The following C5orf34 variants were observed in gnomAD, a reference collection of about 807,000 sequenced individuals.
C5orf34 encodes the protein uncharacterized protein C5orf34.
In C5orf34, 73 loss-of-function variants were observed where a neutral mutation model predicts 78.4. That is an observed-to-expected ratio of 0.93 (90% CI 0.77 to 1.13). The LOEUF is 1.13. Ranked by LOEUF, C5orf34 falls within the 50% of genes most tolerant of loss-of-function variation. C5orf34 has a pLI of 0.00. For missense variants in C5orf34, 730 were observed against 732.7 expected, an observed-to-expected ratio of 1.00 and a Z score of 0.04; for synonymous variants, 251 against 246.6, an observed-to-expected ratio of 1.02 and a Z score of -0.17.
intron 7 of C5orf34, 101 bp from the exon 8 acceptor site, chr5:43,493,713 T>TGATCA (rs1745381753): frequency 1.5e-6 from 1 of 649,490 alleles, no homozygotes; most frequent in Non-Finnish European, 2.7e-6. Flanking sequence ...GATCAGTAAA[T>TGATCA]CATTTTCACT....
intron 1 of C5orf34, among the ~76,000 whole-genome samples, chr5:43,510,464 C>A (rs1469340850): frequency 2.6e-5 from 4 of 152,154 alleles, no homozygotes; most frequent in African/African-American, 9.7e-5. Context: ...CTCTCCCTCT[C>A]TTTCTACGGT....
intron 3 of C5orf34, among the ~76,000 whole-genome samples, chr5:43,507,622 C>T (rs941106428): frequency 7.9e-5 from 12 of 152,036 alleles, no homozygotes; most frequent in African/African-American, 1.7e-4. Flanking sequence ...ATTACTCAGC[C>T]GGCAGGCAAG....
In C5orf34 at chr5:43,492,823, C is replaced by G. The variant is rs145766724; in HGVS notation, c.1382G>C (p.Gly461Ala). Reference sequence around the variant, plus strand: ...GTCATCAGAGTAGGCAAGAAATCTTCCCACACTGGGTATGAGTGACTCTTT... The same window carrying G: ...GTCATCAGAGTAGGCAAGAAATCTTGCCACACTGGGTATGAGTGACTCTTT... ...VLKESLIPSV[G>A]RFLAYSDDKV... is the part of the protein sequence containing the mutation. Residue 461 changes from glycine to alanine, a missense_variant, in exon 9 of 13, where the codon GGA becomes GCA. Transcript: ENST00000306862. 8 of 1,612,376 alleles carry G rather than the reference C, an allele frequency of 5.0e-6. No individual in the cohort carries two copies. The African/African-American group carries it at 8.0e-5, about 16-fold the overall frequency.
chr5:43,501,748 G>A (rs775816164), intron 6 of C5orf34, among the ~76,000 whole-genome samples: 2 of 152,150 alleles, frequency 1.3e-5, no homozygotes, highest in African/African-American at 2.4e-5. Flanking sequence ...ACTCTGTAAT[G>A]AAGAGAGAAA....
At chr5:43,498,475 A>G in intron 6 of C5orf34, among the ~76,000 whole-genome samples, 1 of 152,198 alleles carries the variant, frequency 6.6e-6, no homozygotes, top group East Asian at 1.9e-4. Flanking sequence ...GGTAGGCGCA[A>G]AAGAAAAAAA....
chr5:43,487,171 T>C lies in C5orf34; in HGVS notation c.1721-60A>G, dbSNP rs1313105258. On this transcript the variant is annotated intron_variant, in intron 12 of 12. Coordinates refer to ENST00000306862, the MANE Select transcript of C5orf34 (RefSeq NM_198566.4). ...TTTTCACTATATAAATATCTTTATATACAGAAAGCATAGGCTTCATATTAA... is the reference window on the plus strand; with the variant it reads ...TTTTCACTATATAAATATCTTTATACACAGAAAGCATAGGCTTCATATTAA... 4 of 786,412 alleles carry C rather than the reference T, an allele frequency of 5.1e-6. No homozygotes were observed. The Admixed American group carries it at 1.4e-4, about 28-fold the overall frequency. 48.7% of individuals were successfully genotyped at this position (786,412 alleles called of 1,614,324 possible). A position where few individuals can be genotyped will look rare whatever the true frequency, so the allele number is the denominator to read the frequency against.
intron 3 of C5orf34, among the ~76,000 whole-genome samples, chr5:43,507,058 T>A: frequency 6.6e-6 from 1 of 152,134 alleles, no homozygotes; most frequent in East Asian, 1.9e-4. Flanking sequence ...TAAGGTAACA[T>A]GTAAAAAGTA....
chr5:43,510,525 C>T (rs979231402), intron 1 of C5orf34, among the ~76,000 whole-genome samples: 1 of 152,228 alleles, frequency 6.6e-6, no homozygotes, highest in African/African-American at 2.4e-5. Context: ...CATCTCGGCT[C>T]ACTGCAACCT....
In C5orf34 at chr5:43,487,899, T is replaced by C. The variant is rs1329561595; in HGVS notation, c.1720+10A>G. On this transcript the variant is annotated intron_variant, in intron 12 of 12. Transcript: ENST00000306862. ...ATTATGTAGGACAGTGCATTCTGTT[T>C]AAAGGATACAGTTAAACTTCTGTAT... The C allele has an allele frequency of 6.3e-7, 1 of 1,596,794 alleles. No individual in the cohort carries two copies. The highest frequency in any genetic ancestry group is 1.7e-4 in the Middle Eastern group (1 of 5,954).
chr5:43,502,522 A>T (rs766856352), intron 5 of C5orf34, 27 bp from the exon 6 acceptor site: 49 of 1,437,538 alleles, frequency 3.4e-5, no homozygotes, highest in Admixed American at 2.9e-4. Context: ...ACCATTAAAA[A>T]TTTTTTTCCA....
intron 12 of C5orf34, 67 bp downstream of exon 12, chr5:43,487,842 G>T: frequency 8.3e-7 from 1 of 1,198,524 alleles, no homozygotes; most frequent in Non-Finnish European, 1.2e-6. Context: ...AAGTACTGAA[G>T]TCATGAATTA....
rs894856475 is a variant in C5orf34 at position 43,511,355 on chromosome 5, G to A, written c.-36-1980C>T. On this transcript the variant is annotated intron_variant, in intron 1 of 12. Transcript: ENST00000306862. ...GCCCCGTCCGGCAGCCGCCCCGTCC[G>A]GGAGGGAGGTGGGGGGCAGCCCCGA... is the stretch of plus-strand genomic sequence containing the variant. 363 of 156,534 alleles carry A rather than the reference G, an allele frequency of 2.3e-3. 1 individual carries two copies. Among genetic ancestry groups the A allele is most frequent in the Non-Finnish European group, 3.8e-3 (274 of 71,852 alleles). 9.7% of individuals were successfully genotyped at this position (156,534 alleles called of 1,614,324 possible).
chr5:43,502,903 A>G (rs1745823709), intron 5 of C5orf34, among the ~76,000 whole-genome samples: 1 of 152,234 alleles, frequency 6.6e-6, no homozygotes, highest in Non-Finnish European at 1.5e-5. Flanking sequence ...TATGGATAAG[A>G]TTAGCCGTCT....
rs776262633 is a variant in C5orf34 at position 43,505,860 on chromosome 5, G to T, written c.820C>A (p.His274Asn). Residue 274 changes from histidine to asparagine, a missense_variant, in exon 4 of 13, where the codon CAT becomes AAT. His to Asn is a moderately conservative substitution (Grantham distance 68). Transcript: ENST00000306862. ...GTTAAAAATCTACTCTGAGTTATAT[G>T]TGCATCAATTTTAGACATATTGCTG... ...KISNMSKIDA[H>N]ITQSRFLTSD... The T allele has an allele frequency of 3.1e-6, 5 of 1,613,810 alleles. No homozygotes were observed. The highest frequency in any genetic ancestry group is 4.2e-6 in the Non-Finnish European group (5 of 1,179,786).
Position 43,509,243 on chromosome 5 carries a change from C to G in C5orf34, c.97G>C (p.Glu33Gln), listed in dbSNP as rs1746117288. 5 of 1,614,124 alleles carry G rather than the reference C, an allele frequency of 3.1e-6. No individual in the cohort carries two copies. Among genetic ancestry groups the G allele is most frequent in the Non-Finnish European group, 4.2e-6 (5 of 1,179,988 alleles). Residue 33 changes from glutamate (E) to glutamine (Q), a missense_variant, in exon 2 of 13, where the codon GAA becomes CAA. By Grantham distance (29) the Glu-to-Gln change is conservative (BLOSUM62 2). Transcript: ENST00000306862. ...STLQLSPCGSEFLFEKSPPVS... is the reference protein window; with the variant it reads ...STLQLSPCGSQFLFEKSPPVS... ...GGTGGTGACTTTTCAAATAAAAATTCAGAGCCACAGGGAGAAAGTTGCAAT... is the reference window on the plus strand; with the variant it reads ...GGTGGTGACTTTTCAAATAAAAATTGAGAGCCACAGGGAGAAAGTTGCAAT...
At chr5:43,511,911 T>C (rs1404160508) in intron 1 of C5orf34, among the ~76,000 whole-genome samples, 2 of 152,060 alleles carry the variant, frequency 1.3e-5, no homozygotes, top group African/African-American at 4.8e-5. Context: ...CAGGGTCCTC[T>C]GCCTAGGAAA....
At position 43,506,345 on chromosome 5, in the gene C5orf34, T is replaced by C; in HGVS notation, c.335A>G (p.Asp112Gly). 1 of 1,613,616 alleles carries C rather than the reference T, an allele frequency of 6.2e-7. No individual in the cohort carries two copies. The highest frequency in any genetic ancestry group is 1.3e-5 in the African/African-American group (1 of 75,030). ...TEVRWPSLDT[D>G]GTMIYMESGI... Reference sequence around the variant, plus strand: ...ACTCTCCATATATATCATGGTACCATCTGTATCAAGACTGGGCCATCTCAC... The same window carrying C: ...ACTCTCCATATATATCATGGTACCACCTGTATCAAGACTGGGCCATCTCAC... Residue 112 changes from aspartate (D) to glycine (G), a missense_variant, in exon 4 of 13, where the codon GAT (aspartate) becomes GGT (glycine). Asp to Gly is a moderately conservative substitution (Grantham distance 94). Transcript: ENST00000306862.
chr5:43,495,495 G>A (rs544592302), intron 6 of C5orf34: 24 of 1,607,230 alleles, frequency 1.5e-5, no homozygotes, highest in Middle Eastern at 2.2e-4. Context: ...ACGTTGCCAC[G>A]ACGAACATCC....
chr5:43,513,049 T>G (rs1269511942), intron 1 of C5orf34, among the ~76,000 whole-genome samples: 1 of 152,140 alleles, frequency 6.6e-6, no homozygotes, highest in African/African-American at 2.4e-5. Flanking sequence ...CCCAAAGTGC[T>G]GGGATTACAG....
Sources: gnomAD v4.1 joint callset for allele counts (sites outside exome capture counted in the v4.1 genomes callset) on GRCh38, gnomAD v4.1.1 for gene constraint, MANE v1.5 for transcripts, NCBI Gene and HGNC (gene_info 2026-07-23, HGNC 2026-07-21) for gene names.